Variants in TFCP2L1 observed in about 807,000 individuals in gnomAD.
TFCP2L1 encodes the protein transcription factor CP2 like 1.
Under a neutral mutation model 72.2 loss-of-function variants are expected in TFCP2L1, and 12 were observed. That is an observed-to-expected ratio of 0.17 (90% CI 0.11 to 0.27). The LOEUF (loss-of-function observed/expected upper bound fraction) is 0.27. Among genes scored for constraint, TFCP2L1 ranks in the 10% least tolerant of loss-of-function variants. The probability of loss-of-function intolerance (pLI) is 1.00; values close to 1 mark genes in which losing one functional copy is unlikely to be tolerated. For synonymous variants in TFCP2L1, 260 were observed against 251.0 expected, an observed-to-expected ratio of 1.04 and a Z score of -0.34; for missense variants, 488 against 624.6, an observed-to-expected ratio of 0.78 and a Z score of 2.33.
In TFCP2L1 at chr2:121,243,725, C is replaced by G. The variant is rs191364957; in HGVS notation, c.658-1256G>C. On this transcript the variant is annotated intron_variant, in intron 6 of 14. Coordinates refer to ENST00000263707, the MANE Select transcript of TFCP2L1 (RefSeq NM_014553.3). ...ATGCCTGATGATGGGTGACTGTCCT[C>G]CCCCCGCCACCTCTATATGAGACCA... Among the ~76,000 whole-genome samples the G allele has an allele frequency of 3.3e-3, 494 of 151,836 alleles. 5 individuals carry two copies. Among genetic ancestry groups the G allele is most frequent in the Admixed American group, 0.011 (171 of 15,208 alleles).
intron 2 of TFCP2L1, among the ~76,000 whole-genome samples, chr2:121,263,785 G>C (rs1370396772): frequency 3.9e-5 from 6 of 152,204 alleles, no homozygotes; most frequent in African/African-American, 1.4e-4. Flanking sequence ...ATCTTTGCTT[G>C]TTTATGCATG....
intron 7 of TFCP2L1, among the ~76,000 whole-genome samples, chr2:121,241,083 T>C (rs1202874872): frequency 1.3e-5 from 2 of 152,062 alleles, no homozygotes; most frequent in African/African-American, 2.4e-5. Flanking sequence ...TCTGAGGAAG[T>C]CCAATTATTC....
chr2:121,225,566 A>C lies in TFCP2L1; in HGVS notation c.1389T>G (p.Ile463Met), dbSNP rs1015685382. 2.0e-5 allele frequency: 33 copies of C among 1,613,956 alleles called. No homozygotes were observed. Among genetic ancestry groups the C allele is most frequent in the Non-Finnish European group, 2.6e-5 (31 of 1,180,016 alleles). Residue 463 changes from isoleucine (I) to methionine (M), a missense_variant, in exon 14 of 15, where the codon ATT becomes ATG. By Grantham distance (10) the Ile-to-Met change is conservative (BLOSUM62 1). Around this residue, in one of 3 missense-constraint regions of TFCP2L1, gnomAD observed 286 missense variants for 329.0 expected, o/e 0.87. Transcript: ENST00000263707. ...AGGGGGAGGGGGAGGCTTCACCTTTAATTGTGCTGAGGACAAAACAGGATT... is the reference window on the plus strand; with the variant it reads ...AGGGGGAGGGGGAGGCTTCACCTTTCATTGTGCTGAGGACAAAACAGGATT... ...QDESCFVLST[I>M]KAESNDGYHI...
At chr2:121,239,366 C>T (rs894971504) in intron 8 of TFCP2L1, among the ~76,000 whole-genome samples, 192 bp downstream of exon 8, 2 of 152,166 alleles carry the variant, frequency 1.3e-5, no homozygotes, top group Non-Finnish European at 2.9e-5. Flanking sequence ...GCTGTCCCAC[C>T]CGACAACGTT....
At chr2:121,226,895 G>A (rs12473888) in intron 13 of TFCP2L1, among the ~76,000 whole-genome samples, 53,210 of 151,990 alleles carry the variant, frequency 0.35, 9,950 homozygotes, top group African/African-American at 0.47. Flanking sequence ...CAAGTCATGA[G>A]CCCTGGACAA....
intron 14 of TFCP2L1, 115 bp downstream of exon 14, chr2:121,225,447 C>T: frequency 9.7e-7 from 1 of 1,033,152 alleles, no homozygotes; most frequent in Non-Finnish European, 1.5e-6. Context: ...TTTGTGCTTT[C>T]TTTTTCTCAA....
chr2:121,281,600 T>G (rs1687263505), intron 1 of TFCP2L1, among the ~76,000 whole-genome samples: 2 of 152,318 alleles, frequency 1.3e-5, no homozygotes, highest in East Asian at 3.9e-4. Context: ...AAGGGACCTC[T>G]AAGACATTTA....
chr2:121,232,855 AGCCAGGCAGGAGCAAAT>A (rs1424750715), intron 12 of TFCP2L1, among the ~76,000 whole-genome samples: 34 of 152,310 alleles, frequency 2.2e-4, no homozygotes, highest in Admixed American at 2.2e-3. Context: ...GGCCTGCACC[AGCCAGGCAGGAGCAAAT>A]GCCACCGGCA....
intron 2 of TFCP2L1, among the ~76,000 whole-genome samples, chr2:121,280,769 G>GAAAA (rs557121688): frequency 4.2e-5 from 1 of 23,960 alleles, no homozygotes; most frequent in Non-Finnish European, 9.6e-5. Context: ...CTCAAAAAAG[G>GAAAA]AAAAAAAAAA....
chr2:121,272,193 G>A (rs1210888873), intron 2 of TFCP2L1, among the ~76,000 whole-genome samples: 1 of 152,152 alleles, frequency 6.6e-6, no homozygotes, highest in African/African-American at 2.4e-5. Context: ...GATATAAGAG[G>A]GAAGCCTGAT....
chr2:121,250,363 T>TATATATAC (rs1553433403), intron 2 of TFCP2L1, among the ~76,000 whole-genome samples: 8 of 148,066 alleles, frequency 5.4e-5, no homozygotes, highest in African/African-American at 2.0e-4. Flanking sequence ...TATATATATA[T>TATATATAC]ACACACACAC....
At chr2:121,248,449 G>A (rs1307283786) in intron 4 of TFCP2L1, among the ~76,000 whole-genome samples, 179 bp from the exon 5 acceptor site, 1 of 152,200 alleles carries the variant, frequency 6.6e-6, no homozygotes, top group Non-Finnish European at 1.5e-5. Context: ...GCGCTGTGTT[G>A]TCTTCACCCC....
In TFCP2L1 at chr2:121,220,196, A is replaced by T. The variant is rs762629452; in HGVS notation, c.*4145T>A. 1 of 152,228 alleles carries T rather than the reference A, an allele frequency of 6.6e-6. No individual in the cohort carries two copies. The highest frequency in any genetic ancestry group is 2.1e-4 in the South Asian group (1 of 4,828). The allele number at this position is 152,228 out of a possible 1,614,324, so 9.4% of individuals were successfully genotyped here. A position where few individuals can be genotyped will look rare whatever the true frequency, so the allele number is the denominator to read the frequency against. ...GAAACTTGTGACCCTGGCTGGCTCC[A>T]GTCCACTGCTGGTAAAGCCTTCCCT... On this transcript the variant is annotated 3_prime_UTR_variant, in exon 15 of 15. Transcript: ENST00000263707.
Position 121,285,118 on chromosome 2 carries a change from C to G in TFCP2L1, c.-9G>C. 1 of 1,497,886 alleles carries G rather than the reference C, an allele frequency of 6.7e-7. No homozygotes were observed. The allele number at this position is 1,497,886 out of a possible 1,614,324, so 92.8% of individuals were successfully genotyped here. The stretch of plus-strand genomic sequence containing the variant: ...GTGTGCCAGAAGAGCATGGCTGGAA[C>G]TCCCAGCGCGCCGACCGGGGCGCGG... On this transcript the variant is annotated 5_prime_UTR_variant, in exon 1 of 15. Transcript: ENST00000263707.
chr2:121,277,749 C>A (rs926523457), intron 2 of TFCP2L1, among the ~76,000 whole-genome samples: 2 of 151,874 alleles, frequency 1.3e-5, no homozygotes, highest in Admixed American at 6.6e-5. Context: ...TGACATGAGA[C>A]GGCTGACAAA....
At chr2:121,261,889 A>G (rs1278353898) in intron 2 of TFCP2L1, among the ~76,000 whole-genome samples, 2 of 152,228 alleles carry the variant, frequency 1.3e-5, no homozygotes, top group Admixed American at 1.3e-4. Context: ...CAAAAGACGT[A>G]TCAGCACCAT....
rs1685962810 is a variant in TFCP2L1, at chr2:121,223,378, G to A, written c.*963C>T. Reference sequence around the variant, plus strand: ...AACAAAGATAAACATGTAAGTGAGGGGCACTCAGAGAAAACACATCGCTCC... The same window carrying A: ...AACAAAGATAAACATGTAAGTGAGGAGCACTCAGAGAAAACACATCGCTCC... On this transcript the variant is annotated 3_prime_UTR_variant, in exon 15 of 15. Coordinates refer to ENST00000263707, the MANE Select transcript of TFCP2L1 (RefSeq NM_014553.3). 1 of 152,124 alleles carries A rather than the reference G, an allele frequency of 6.6e-6. No homozygotes were observed. Among genetic ancestry groups the A allele is most frequent in the Admixed American group, 6.6e-5 (1 of 15,258 alleles). The allele number at this position is 152,124 out of a possible 1,614,324, so 9.4% of individuals were successfully genotyped here.
At chr2:121,230,779 CCAA>C (rs947863031) in intron 13 of TFCP2L1, among the ~76,000 whole-genome samples, 136 of 151,822 alleles carry the variant, frequency 9.0e-4, no homozygotes, top group African/African-American at 3.1e-3. Context: ...ACAACAACAA[CCAA>C]CAACAACAAA....
chr2:121,256,636 G>A (rs1686732512), intron 2 of TFCP2L1, among the ~76,000 whole-genome samples: 1 of 152,054 alleles, frequency 6.6e-6, no homozygotes, highest in Non-Finnish European at 1.5e-5. Context: ...AATTAGCCGG[G>A]CATGGTGGTG....
Sources: gnomAD v4.1 joint callset for allele counts (sites outside exome capture counted in the v4.1 genomes callset) on GRCh38, gnomAD v4.1.1 for gene constraint, gnomAD v4.1.1 regional missense constraint, MANE v1.5 for transcripts, NCBI Gene and HGNC (gene_info 2026-07-23, HGNC 2026-07-21) for gene names.